Variants in KMT2C observed in about 807,000 individuals in gnomAD.
The protein encoded by KMT2C is lysine methyltransferase 2C.
Under a neutral mutation model 507.9 loss-of-function variants are expected in KMT2C, and 88 were observed. The ratio of observed to expected loss-of-function variants is 0.17; its 90% CI spans 0.15 to 0.21. The LOEUF (loss-of-function observed/expected upper bound fraction) is 0.21, where lower values mean the gene tolerates loss of function less well. KMT2C is among the 10% of genes least tolerant of loss of function. KMT2C has a pLI of 1.00. For synonymous variants in KMT2C, 2,049 were observed against 2,080.8 expected (o/e 0.98, Z 0.42); for missense variants, 4,954 against 5,957.8 (o/e 0.83, Z 5.55).
chr7:152,367,874 G>A, intron 1 of KMT2C: 1 of 1,066,306 alleles, frequency 9.4e-7, no homozygotes, highest in Non-Finnish European at 1.5e-6. Context: ...TTAAACCATT[G>A]GATATTGAGT....
At chr7:152,149,587 C>T (rs925578480) in intron 51 of KMT2C, among the ~76,000 whole-genome samples, 1 of 152,148 alleles carries the variant, frequency 6.6e-6, no homozygotes, top group Non-Finnish European at 1.5e-5. Flanking sequence ...TTCTTGAGAG[C>T]TTATCTCCAC....
chr7:152,427,293 G>A (rs1589979480), intron 1 of KMT2C, among the ~76,000 whole-genome samples: 1 of 152,270 alleles, frequency 6.6e-6, no homozygotes, highest in Admixed American at 6.5e-5. Context: ...GATTACAGGC[G>A]TTAGCCACTG....
At chr7:152,357,792 C>A (rs536778240) in intron 2 of KMT2C, among the ~76,000 whole-genome samples, 1 of 152,110 alleles carries the variant, frequency 6.6e-6, no homozygotes, top group Non-Finnish European at 1.5e-5. Context: ...TATATAATAG[C>A]AACACATCTG....
chr7:152,255,974 G>C (rs907247885), intron 9 of KMT2C, among the ~76,000 whole-genome samples: 6 of 152,142 alleles, frequency 3.9e-5, no homozygotes, highest in Non-Finnish European at 7.4e-5. Context: ...TTCAACACCA[G>C]CCTGGCCAAC....
chr7:152,362,172 T>C (rs1589451288), intron 1 of KMT2C, among the ~76,000 whole-genome samples: 1 of 152,342 alleles, frequency 6.6e-6, no homozygotes, highest in African/African-American at 2.4e-5. Flanking sequence ...AAAATAAATG[T>C]TTTAAAATAA....
intron 47 of KMT2C, 50 bp from the exon 48 acceptor site, chr7:152,154,196 A>G (rs748599250): frequency 1.2e-6 from 2 of 1,610,856 alleles, no homozygotes; most frequent in Non-Finnish European, 1.7e-6. Context: ...TGGATTTTCA[A>G]AATCAAAATA....
intron 6 of KMT2C, among the ~76,000 whole-genome samples, chr7:152,289,806 T>C (rs1408728724): frequency 6.6e-6 from 1 of 152,118 alleles, no homozygotes; most frequent in East Asian, 1.9e-4. Flanking sequence ...CTCACACTTG[T>C]AATCCCAGCA....
intron 3 of KMT2C, among the ~76,000 whole-genome samples, chr7:152,321,234 AAAAT>A (rs781567669): frequency 6.6e-5 from 10 of 151,624 alleles, no homozygotes; most frequent in East Asian, 1.9e-4. Context: ...CCCTTTCAAG[AAAAT>A]AAATAAATAA....
intron 43 of KMT2C, among the ~76,000 whole-genome samples, chr7:152,160,082 G>A (rs539412842): frequency 5.9e-5 from 9 of 152,190 alleles, no homozygotes; most frequent in Admixed American, 3.9e-4. Context: ...GCTTGGCTGC[G>A]TTCAAATAAA....
chr7:152,188,259 A>C (rs1356861541), intron 31 of KMT2C, among the ~76,000 whole-genome samples: 1 of 152,154 alleles, frequency 6.6e-6, no homozygotes, highest in Non-Finnish European at 1.5e-5. Context: ...TGATTATTTC[A>C]TTATTGTGTA....
At chr7:152,344,406 A>C (rs1381960953) in intron 2 of KMT2C, among the ~76,000 whole-genome samples, 1 of 152,226 alleles carries the variant, frequency 6.6e-6, no homozygotes, top group East Asian at 1.9e-4. Context: ...AAAGCACAAG[A>C]TTTCATTATG....
chr7:152,381,663 T>C (rs2097375167), intron 1 of KMT2C, among the ~76,000 whole-genome samples: 1 of 152,256 alleles, frequency 6.6e-6, no homozygotes, highest in Non-Finnish European at 1.5e-5. Context: ...ATACCATGAA[T>C]CCTGAGATTT....
Position 152,181,797 on chromosome 7 carries a change from C to G in KMT2C, c.6063G>C (p.Arg2021Ser), listed in dbSNP as rs1051663562. ...SPRADVFQRQ[R>S]IPDSYARPLL... ...AGGGTCGTGCATATGAGTCAGGTAT[C>G]CTTTGTCTTTGAAACACATCTGCCC... Residue 2021 changes from arginine (R) to serine (S), a missense_variant, in exon 36 of 59, where the codon AGG (arginine) becomes AGC (serine). Coordinates refer to ENST00000262189, the MANE Select transcript of KMT2C (RefSeq NM_170606.3). 6.2e-7 allele frequency: 1 copy of G among 1,614,030 alleles called. No homozygotes were observed. The highest frequency in any genetic ancestry group is 2.2e-5 in the East Asian group (1 of 44,878).
intron 1 of KMT2C, among the ~76,000 whole-genome samples, chr7:152,359,965 C>A (rs1378416236): frequency 2.8e-5 from 4 of 143,722 alleles, no homozygotes; most frequent in Non-Finnish European, 6.0e-5. Context: ...ACAAGAATCG[C>A]TTGAACCTGA....
chr7:152,226,316 T>C (rs1197621000), intron 18 of KMT2C, among the ~76,000 whole-genome samples: 1 of 135,302 alleles, frequency 7.4e-6, no homozygotes, highest in East Asian at 2.5e-4. Flanking sequence ...CACTAAAACC[T>C]CCGCCTCCCA....
Position 152,145,254 on chromosome 7 carries a change from G to T in KMT2C, c.14073C>A (p.Tyr4691Ter), listed in dbSNP as rs151023183. 2 of 1,614,134 alleles carry T rather than the reference G, an allele frequency of 1.2e-6. No individual in the cohort carries two copies. The highest frequency in any genetic ancestry group is 1.7e-6 in the Non-Finnish European group (2 of 1,180,002). Residue 4691 changes from tyrosine to a stop codon, truncating the protein, a stop_gained, in exon 54 of 59, where the codon TAC (tyrosine) becomes TAA (stop). Coordinates refer to ENST00000262189, the MANE Select transcript of KMT2C (RefSeq NM_170606.3). LOFTEE classifies it high-confidence loss of function. ...VEACENYTFR[Y>*]GRNPLMELPL... ...GAAGTTCCATGAGAGGATTTCGGCC[G>T]TATCGGAAGGTATAATTTTCACATG...
intron 6 of KMT2C, among the ~76,000 whole-genome samples, chr7:152,290,747 T>C (rs2096414089): frequency 6.6e-6 from 1 of 152,128 alleles, no homozygotes; most frequent in Admixed American, 6.5e-5. Context: ...GAATATTCAT[T>C]AGGGCTTGTG....
Position 152,182,960 on chromosome 7 carries a change from CA to C in KMT2C, c.5265+13del, listed in dbSNP as rs1455630527. 3 of 1,540,118 alleles carry C rather than the reference CA, an allele frequency of 1.9e-6. No homozygotes were observed. The highest frequency in any genetic ancestry group is 2.3e-5 in the East Asian group (1 of 42,988). Reference sequence around the variant, plus strand: ...ATGCAACTTCAAAAAGTAGATTATCCAAAAATTCCATACCTGTCTAAATTTC... The same window carrying C: ...ATGCAACTTCAAAAAGTAGATTATCCAAAATTCCATACCTGTCTAAATTTC... On this transcript the variant is annotated intron_variant, in intron 35 of 58. Coordinates refer to ENST00000262189, the MANE Select transcript of KMT2C (RefSeq NM_170606.3).
chr7:152,418,232 G>C (rs1401546176), intron 1 of KMT2C, among the ~76,000 whole-genome samples: 6 of 151,816 alleles, frequency 4.0e-5, no homozygotes, highest in African/African-American at 1.2e-4. Flanking sequence ...GAGCCACCAT[G>C]CCCGGCCAAA....
Sources: gnomAD v4.1 joint callset for allele counts (sites outside exome capture counted in the v4.1 genomes callset) on GRCh38, gnomAD v4.1.1 for gene constraint, MANE v1.5 for transcripts, NCBI Gene and HGNC (gene_info 2026-07-23, HGNC 2026-07-21) for gene names.